The following SCLT1 variants were observed in gnomAD, a reference collection of about 807,000 sequenced individuals.
The protein encoded by SCLT1 is sodium channel-associated protein 1.
Under a neutral mutation model 112.8 loss-of-function variants are expected in SCLT1, and 78 were observed. That is an observed-to-expected ratio of 0.69 (90% CI 0.58 to 0.83). The LOEUF (loss-of-function observed/expected upper bound fraction) is 0.83. Ranked by LOEUF, SCLT1 falls within the 40% of genes least tolerant of loss-of-function variation. SCLT1 has a pLI of 0.00. For synonymous variants in SCLT1, 257 were observed against 254.7 expected, an observed-to-expected ratio of 1.01 and a Z score of -0.09; for missense variants, 747 against 770.4, an observed-to-expected ratio of 0.97 and a Z score of 0.36.
At chr4:128,943,212 G>T (rs754351025) in intron 16 of SCLT1, 24 bp from the exon 17 acceptor site, 286 of 1,517,958 alleles carry the variant, frequency 1.9e-4, no homozygotes, top group Non-Finnish European at 2.4e-4. Flanking sequence ...GAAATGAAAA[G>T]AATCCTTAAA....
chr4:128,960,860 C>T (rs1051121589), intron 11 of SCLT1, among the ~76,000 whole-genome samples: 53 of 129,738 alleles, frequency 4.1e-4, no homozygotes, highest in Non-Finnish European at 6.7e-4. Context: ...GCGGAGCTTG[C>T]AGTGAGCAGA....
Position 128,901,534 on chromosome 4 carries a change from G to T in SCLT1, c.1830-10397C>A, listed in dbSNP as rs1032711978. 4.5e-4 allele frequency among the ~76,000 whole-genome samples: 68 copies of T among 151,806 alleles called. No homozygotes were observed. In the East Asian group the frequency reaches 9.7e-3, roughly 22 times the overall value. ...CAGGGCCTATTGTGGGGTGGTGGGG[G>T]GGGGGAGGGATAGCATTTGGAGATA... is the stretch of plus-strand genomic sequence containing the variant. On this transcript the variant is annotated intron_variant, in intron 18 of 20. Transcript: ENST00000281142.
downstream of SCLT1, among the ~76,000 whole-genome samples, chr4:128,880,798 C>T (rs1365980492): frequency 4.6e-5 from 7 of 152,218 alleles, no homozygotes; most frequent in East Asian, 1.9e-4. Context: ...CAGTGACCCT[C>T]GAAGCATGAT....
chr4:128,996,616 GAAC>G (rs1743037035), intron 8 of SCLT1, among the ~76,000 whole-genome samples: 1 of 151,886 alleles, frequency 6.6e-6, no homozygotes, highest in Non-Finnish European at 1.5e-5. Context: ...TATACATTAA[GAAC>G]AACTTAAATT....
intron 1 of SCLT1, among the ~76,000 whole-genome samples, chr4:129,089,799 T>C (rs1427699148): frequency 6.6e-6 from 1 of 151,818 alleles, no homozygotes; most frequent in Non-Finnish European, 1.5e-5. Flanking sequence ...CACTCATAAG[T>C]GGGAGCTGAA....
chr4:129,043,085 G>T (rs1375508394), intron 4 of SCLT1, among the ~76,000 whole-genome samples: 2 of 146,702 alleles, frequency 1.4e-5, no homozygotes, highest in Non-Finnish European at 1.5e-5. Flanking sequence ...AAAAAGAAAA[G>T]AAAAAAAAAA....
At chr4:129,073,331 T>A (rs1027281974) in intron 2 of SCLT1, among the ~76,000 whole-genome samples, 2 of 152,168 alleles carry the variant, frequency 1.3e-5, no homozygotes, top group Admixed American at 6.6e-5. Context: ...TCCATTGTAT[T>A]TAACTTTCAA....
At chr4:129,064,872 A>T (rs1750333104) in intron 2 of SCLT1, among the ~76,000 whole-genome samples, 1 of 152,058 alleles carries the variant, frequency 6.6e-6, no homozygotes, top group South Asian at 2.1e-4. Flanking sequence ...AAACCCTTAA[A>T]ATTTGTTGAA....
chr4:129,026,720 C>T (rs1476443528), intron 5 of SCLT1, among the ~76,000 whole-genome samples: 12 of 152,048 alleles, frequency 7.9e-5, no homozygotes, highest in East Asian at 3.9e-4. Context: ...CTGAAGGAAA[C>T]AGAGACACAA....
rs1732732976 is a variant in SCLT1, at chr4:128,884,338, C to T, written c.*139G>A. 3 of 572,748 alleles carry T rather than the reference C, an allele frequency of 5.2e-6. No individual in the cohort carries two copies. Among genetic ancestry groups the T allele is most frequent in the South Asian group, 2.5e-5 (1 of 39,550 alleles). The allele number at this position is 572,748 out of a possible 1,614,324, so 35.5% of individuals were successfully genotyped here. ...GGTCACTGCTCTGTTTTCCAATAAC[C>T]CTCAAAACAGAACAACAATGCTTAC... On this transcript the variant is annotated 3_prime_UTR_variant, in exon 21 of 21. Coordinates refer to ENST00000281142, the MANE Select transcript of SCLT1 (RefSeq NM_144643.4).
At chr4:128,918,840 C>T (rs318551) in intron 18 of SCLT1, among the ~76,000 whole-genome samples, 110,589 of 152,086 alleles carry the variant, frequency 0.73, 40,515 homozygotes, top group African/African-American at 0.82. Context: ...AATAACATTA[C>T]ATAATGGTAA....
chr4:128,930,706 G>C (rs941977426), intron 18 of SCLT1, among the ~76,000 whole-genome samples: 1 of 152,046 alleles, frequency 6.6e-6, no homozygotes, highest in African/African-American at 2.4e-5. Context: ...GAAGAAAGAC[G>C]GTTAAAGAAG....
At chr4:129,076,119 T>C (rs1278237957) in intron 2 of SCLT1, among the ~76,000 whole-genome samples, 3 of 152,178 alleles carry the variant, frequency 2.0e-5, no homozygotes, top group Non-Finnish European at 4.4e-5. Flanking sequence ...TTTCATAGGA[T>C]ACTGTAATTT....
chr4:128,896,961 A>G (rs1733817894), intron 18 of SCLT1, among the ~76,000 whole-genome samples: 1 of 152,164 alleles, frequency 6.6e-6, no homozygotes, highest in African/African-American at 2.4e-5. Flanking sequence ...AAGTGAGAAG[A>G]GAAGTTTAGA....
At chr4:128,949,814 A>C (rs1460472714) in intron 14 of SCLT1, among the ~76,000 whole-genome samples, 1 of 147,324 alleles carries the variant, frequency 6.8e-6, no homozygotes, top group African/African-American at 2.5e-5. Context: ...AGTCTTTGCT[A>C]TTGTGAATAG....
intron 1 of SCLT1, among the ~76,000 whole-genome samples, chr4:129,089,567 T>C (rs1315852679): frequency 1.3e-5 from 2 of 152,228 alleles, no homozygotes; most frequent in Non-Finnish European, 2.9e-5. Context: ...TGCACATGTA[T>C]GTTTAATGCG....
chr4:129,033,341 G>A (rs763229828), intron 5 of SCLT1, among the ~76,000 whole-genome samples: 6 of 151,274 alleles, frequency 4.0e-5, no homozygotes, highest in Non-Finnish European at 5.9e-5. Context: ...GGGCCTATTC[G>A]GGGGTGGGGG....
intron 20 of SCLT1, among the ~76,000 whole-genome samples, chr4:128,885,092 T>C (rs1006678281): frequency 6.6e-6 from 1 of 152,206 alleles, no homozygotes; most frequent in African/African-American, 2.4e-5. Context: ...ATGAAAAACA[T>C]CTACATAAAA....
At chr4:128,910,588 T>TAG (rs1244193536) in intron 18 of SCLT1, among the ~76,000 whole-genome samples, 2 of 152,170 alleles carry the variant, frequency 1.3e-5, no homozygotes, top group Non-Finnish European at 2.9e-5. Flanking sequence ...GTTAGATCGA[T>TAG]TAATCACTTT....
Sources: allele counts gnomAD v4.1 joint callset (sites outside exome capture counted in the v4.1 genomes callset), GRCh38; gene constraint gnomAD v4.1.1; transcripts MANE v1.5; gene names NCBI Gene and HGNC (gene_info 2026-07-23, HGNC 2026-07-21).